TDRD10: variants seen among roughly 807,000 people sequenced by gnomAD.
The protein encoded by TDRD10 is tudor domain containing 10.
A neutral mutation model predicts 48.0 loss-of-function variants in TDRD10; 40 were observed. The ratio of observed to expected loss-of-function variants is 0.83; its 90% CI spans 0.65 to 1.09. The LOEUF is 1.09. Among genes scored for constraint, TDRD10 ranks in the 50% least tolerant of loss-of-function variants. The pLI is 0.00. For synonymous variants in TDRD10, 162 were observed against 170.4 expected (o/e 0.95, Z 0.38); for missense variants, 378 against 434.7 (o/e 0.87, Z 1.16).
chr1:154,547,507 G>A (rs1280622268), intron 12 of TDRD10, 28 bp downstream of exon 12: 1 of 1,614,220 alleles, frequency 6.2e-7, no homozygotes, highest in South Asian at 1.1e-5. Flanking sequence ...TAACTTGGCT[G>A]TTGTCCCTCC....
Position 154,544,950 on chromosome 1 carries a change from G to A in TDRD10, c.952+1G>A. ...ACTCAGCCATTCATGCTGGAGAAAG[G>A]TGAGACATCTTCTATCTTCCTCCCA... On this transcript the variant is annotated splice_donor_variant, in intron 11 of 12. Transcript: ENST00000368482. LOFTEE classifies it high-confidence loss of function. 1.2e-6 allele frequency: 2 copies of A among 1,613,868 alleles called. No individual in the cohort carries two copies. The highest frequency in any genetic ancestry group is 1.7e-6 in the Non-Finnish European group (2 of 1,179,946).
At chr1:154,527,519 C>G (rs1157869777) in intron 6 of TDRD10, among the ~76,000 whole-genome samples, 2 of 152,126 alleles carry the variant, frequency 1.3e-5, no homozygotes, top group African/African-American at 4.8e-5. Context: ...AAAGGCAAAA[C>G]TTAAAAACTT....
intron 4 of TDRD10, among the ~76,000 whole-genome samples, chr1:154,518,631 G>A (rs993661627): frequency 1.3e-5 from 2 of 152,070 alleles, no homozygotes; most frequent in African/African-American, 4.8e-5. Context: ...GGGTTTCACC[G>A]TGTTAGCCAG....
chr1:154,514,890 C>T (rs1011927984), intron 4 of TDRD10, among the ~76,000 whole-genome samples: 38 of 86,392 alleles, frequency 4.4e-4, no homozygotes, highest in Admixed American at 1.8e-3. Flanking sequence ...TTTTTTGAGA[C>T]GGAGCCTTAC....
At chr1:154,510,330 T>C (rs1042018135) in intron 4 of TDRD10, among the ~76,000 whole-genome samples, 4 of 151,994 alleles carry the variant, frequency 2.6e-5, no homozygotes, top group African/African-American at 7.2e-5. Context: ...CGGTCGTTCA[T>C]GCCTGTAATC....
intron 8 of TDRD10, among the ~76,000 whole-genome samples, chr1:154,543,547 G>A (rs1163085289): frequency 3.3e-5 from 5 of 152,188 alleles, no homozygotes; most frequent in African/African-American, 4.8e-5. Context: ...GTGCGTAGAC[G>A]CAGGGGAGGA....
chr1:154,507,507 C>T (rs1350505360), intron 3 of TDRD10, among the ~76,000 whole-genome samples, 187 bp downstream of exon 3: 1 of 150,826 alleles, frequency 6.6e-6, no homozygotes, highest in Non-Finnish European at 1.5e-5. Context: ...GCCACTGCTG[C>T]GATGCAGACC....
chr1:154,514,061 G>A (rs994874959), intron 4 of TDRD10, among the ~76,000 whole-genome samples: 3 of 152,172 alleles, frequency 2.0e-5, no homozygotes, highest in Non-Finnish European at 4.4e-5. Context: ...ACGGTGGCGG[G>A]TGCCTGTAAT....
intron 6 of TDRD10, among the ~76,000 whole-genome samples, chr1:154,522,515 T>C (rs111718587): frequency 4.6e-5 from 7 of 152,238 alleles, no homozygotes; most frequent in African/African-American, 1.7e-4. Flanking sequence ...AGTCAGATTT[T>C]CAGAGGTGGC....
intron 11 of TDRD10, among the ~76,000 whole-genome samples, chr1:154,545,276 CG>C (rs1168741851): frequency 1.6e-4 from 25 of 152,158 alleles, no homozygotes; most frequent in African/African-American, 6.0e-4. Flanking sequence ...ACATACTTGG[CG>C]TGTTGCTTCA....
At chr1:154,504,966 G>A (rs1238168838) in intron 1 of TDRD10, among the ~76,000 whole-genome samples, 3 of 152,206 alleles carry the variant, frequency 2.0e-5, no homozygotes, top group African/African-American at 7.2e-5. Flanking sequence ...CAGCCTGGGC[G>A]ACAGAGTGAG....
intron 5 of TDRD10, 108 bp downstream of exon 5, chr1:154,520,482 C>CA: frequency 1.2e-6 from 1 of 809,984 alleles, no homozygotes; most frequent in South Asian, 1.5e-5. Context: ...GCCACGTCCA[C>CA]ACCCACTCTG....
rs747336364 is a variant in TDRD10, at chr1:154,544,370, A to C, written c.652-2A>C. 3 of 1,579,894 alleles carry C rather than the reference A, an allele frequency of 1.9e-6. No homozygotes were observed. The highest frequency in any genetic ancestry group is 2.6e-6 in the Non-Finnish European group (3 of 1,162,818). On this transcript the variant is annotated splice_acceptor_variant, in intron 9 of 12. Coordinates refer to ENST00000368482, the MANE Select transcript of TDRD10 (RefSeq NM_182499.4). LOFTEE classifies it high-confidence loss of function. ...GGGGCCGTTGCGTTTTGCACCCCAC[A>C]GGCTCTGCACCAGAACATGCAGGCT... is the stretch of plus-strand genomic sequence containing the variant.
At chr1:154,516,821 C>T (rs1693795527) in intron 4 of TDRD10, among the ~76,000 whole-genome samples, 1 of 152,172 alleles carries the variant, frequency 6.6e-6, no homozygotes, top group African/African-American at 2.4e-5. Flanking sequence ...GTGGCACATG[C>T]CTGTAATCCC....
intron 6 of TDRD10, among the ~76,000 whole-genome samples, chr1:154,540,507 C>CAAAAAAAAAAAAAAA (rs57375022): frequency 2.7e-5 from 3 of 109,114 alleles, no homozygotes; most frequent in African/African-American, 1.3e-4. Flanking sequence ...CCCATCTCTA[C>CAAAAAAAAAAAAAAA]AAAAAAAAAA....
chr1:154,507,194 C>T (rs6664608), intron 2 of TDRD10, 47 bp from the exon 3 acceptor site: 989,861 of 1,611,238 alleles, frequency 0.61, 313,296 homozygotes, highest in East Asian at 0.76. Flanking sequence ...TTCCTTTTGT[C>T]GGAGTCTGAG....
At chr1:154,506,665 A>G (rs554761206) in intron 1 of TDRD10, among the ~76,000 whole-genome samples, 1 of 152,306 alleles carries the variant, frequency 6.6e-6, no homozygotes, top group East Asian at 1.9e-4. Context: ...CGTGAGCCAC[A>G]GTGCCAGGCC....
At chr1:154,521,557 T>G (rs1694061318) in intron 6 of TDRD10, 78 bp downstream of exon 6, 1 of 1,504,544 alleles carries the variant, frequency 6.6e-7, no homozygotes, top group Non-Finnish European at 9.1e-7. Context: ...TTTCAGTGCT[T>G]TCATCCTCCT....
intron 10 of TDRD10, 86 bp downstream of exon 10, chr1:154,544,603 G>T (rs555230754): frequency 1.9e-5 from 29 of 1,520,406 alleles, no homozygotes; most frequent in South Asian, 1.4e-4. Flanking sequence ...TTGGGCTCTG[G>T]TTTTTTTTCC....
Sources: gnomAD v4.1 joint callset for allele counts (sites outside exome capture counted in the v4.1 genomes callset) on GRCh38, gnomAD v4.1.1 for gene constraint, MANE v1.5 for transcripts, NCBI Gene and HGNC (gene_info 2026-07-23, HGNC 2026-07-21) for gene names.